The following SLC22A24 variants were observed in gnomAD, a reference collection of about 807,000 sequenced individuals.
The protein encoded by SLC22A24 is steroid transmembrane transporter SLC22A24.
A neutral mutation model predicts 49.8 loss-of-function variants in SLC22A24; 53 were observed. The ratio of observed to expected loss-of-function variants is 1.06; its 90% confidence interval spans 0.85 to 1.34. The LOEUF (loss-of-function observed/expected upper bound fraction) is 1.34. Ranked by LOEUF, SLC22A24 falls within the 40% of genes most tolerant of loss-of-function variation. The pLI is 0.00. For missense variants in SLC22A24, 786 were observed against 675.9 expected (o/e 1.16, Z -1.81); for synonymous variants, 302 against 256.4 (o/e 1.18, Z -1.70).
chr11:63,099,370 G>GTTTTTT (rs1279683430), intron 5 of SLC22A24, among the ~76,000 whole-genome samples: 2 of 34,430 alleles, frequency 5.8e-5, no homozygotes, highest in African/African-American at 2.2e-4. Flanking sequence ...TAATTTTTAA[G>GTTTTTT]ATTTTTTTTT....
intron 1 of SLC22A24, 114 bp downstream of exon 1, chr11:63,143,264 T>G: frequency 2.4e-6 from 2 of 829,218 alleles, no homozygotes; most frequent in Non-Finnish European, 3.4e-6. Flanking sequence ...GAATGAAGAA[T>G]GAGCTGACTG....
chr11:63,142,203 A>T (rs566184844), intron 1 of SLC22A24, among the ~76,000 whole-genome samples: 1 of 152,332 alleles, frequency 6.6e-6, no homozygotes, highest in Non-Finnish European at 1.5e-5. Context: ...GTAGCAAAGC[A>T]GTTCCACTCT....
chr11:63,090,325 A>C (rs185219501), intron 6 of SLC22A24, among the ~76,000 whole-genome samples: 19 of 152,168 alleles, frequency 1.2e-4, no homozygotes, highest in Non-Finnish European at 2.1e-4. Context: ...TAACAAGGGT[A>C]TTCAGGACTT....
chr11:63,108,006 T>C (rs975880438), intron 4 of SLC22A24, among the ~76,000 whole-genome samples: 1 of 152,134 alleles, frequency 6.6e-6, no homozygotes, highest in Non-Finnish European at 1.5e-5. Flanking sequence ...ATCCCTGTCT[T>C]GTGCCAGTTT....
chr11:63,091,315 C>T (rs2087019302), intron 6 of SLC22A24, among the ~76,000 whole-genome samples: 1 of 151,784 alleles, frequency 6.6e-6, no homozygotes, highest in Non-Finnish European at 1.5e-5. Flanking sequence ...CAGCCGAAGT[C>T]TACCAGAGGT....
At chr11:63,119,732 G>A (rs2087238081) in intron 2 of SLC22A24, among the ~76,000 whole-genome samples, 1 of 152,166 alleles carries the variant, frequency 6.6e-6, no homozygotes, top group South Asian at 2.1e-4. Flanking sequence ...TTGGGTCTCT[G>A]CACTGTCCAG....
At chr11:63,118,811 G>T (rs2087229823) in intron 4 of SLC22A24, 101 bp downstream of exon 4, 1 of 1,248,088 alleles carries the variant, frequency 8.0e-7, no homozygotes, top group Non-Finnish European at 1.1e-6. Context: ...TCATGGCTCA[G>T]GACTAGGCCA....
intron 2 of SLC22A24, among the ~76,000 whole-genome samples, chr11:63,127,071 T>C (rs2087296672): frequency 6.6e-6 from 1 of 152,144 alleles, no homozygotes. Context: ...ATTGGTTTGC[T>C]GCACCCATCA....
intron 2 of SLC22A24, among the ~76,000 whole-genome samples, chr11:63,120,400 G>GTA (rs1231797966): frequency 6.6e-6 from 1 of 151,082 alleles, no homozygotes; most frequent in Non-Finnish European, 1.5e-5. Context: ...ACATGTATAC[G>GTA]TATGTAACTA....
intron 2 of SLC22A24, among the ~76,000 whole-genome samples, chr11:63,128,938 T>C (rs1590748163): frequency 6.6e-6 from 1 of 152,156 alleles, no homozygotes; most frequent in Non-Finnish European, 1.5e-5. Context: ...TCTCTGTACA[T>C]GGGGAGAAAA....
rs1019776521 is a variant in SLC22A24, at chr11:63,099,481, G to T, written c.955-3375C>A. On this transcript the variant is annotated intron_variant, in intron 5 of 9. Coordinates refer to ENST00000612278, the MANE Select transcript of SLC22A24 (RefSeq NM_001136506.2). ...TTCTTCTGCCTTGGCCTCCCAAATTGCTGGCCTTACCAAACATTTAAAGAA... is the reference window on the plus strand; with the variant it reads ...TTCTTCTGCCTTGGCCTCCCAAATTTCTGGCCTTACCAAACATTTAAAGAA... Among the ~76,000 whole-genome samples the T allele has an allele frequency of 2.0e-4, 27 of 131,960 alleles. No homozygotes were observed. In the South Asian group the frequency reaches 6.3e-3, roughly 31 times the overall value. The allele number at this position is 131,960 out of a possible 152,430, so 86.6% of individuals were successfully genotyped here. A position where few individuals can be genotyped will look rare whatever the true frequency, so the allele number is the denominator to read the frequency against.
At chr11:63,091,331 G>A (rs1368155914) in intron 6 of SLC22A24, among the ~76,000 whole-genome samples, 1 of 152,190 alleles carries the variant, frequency 6.6e-6, no homozygotes, top group Admixed American at 6.5e-5. Context: ...GAGGTACAAA[G>A]AGGAGCTGGT....
chr11:63,129,016 C>G lies in SLC22A24; in HGVS notation c.506+5649G>C, dbSNP rs982705699. ...ATTTGTCTATTTTGGCTTTTGTTGC[C>G]ATTGTTTTGGTGTTTTAGTCATGAA... is the stretch of plus-strand genomic sequence containing the variant. On this transcript the variant is annotated intron_variant, in intron 2 of 9. Coordinates refer to ENST00000612278, the MANE Select transcript of SLC22A24 (RefSeq NM_001136506.2). Among the ~76,000 whole-genome samples the G allele has an allele frequency of 4.1e-4, 63 of 152,126 alleles. 1 individual carries two copies. Among genetic ancestry groups the G allele is most frequent in the Non-Finnish European group, 1.8e-4 (12 of 68,026 alleles).
chr11:63,122,227 G>A (rs930735717), intron 2 of SLC22A24, among the ~76,000 whole-genome samples: 2 of 152,014 alleles, frequency 1.3e-5, no homozygotes, highest in African/African-American at 4.8e-5. Context: ...AGTAATATAC[G>A]CTAACTCCAG....
chr11:63,111,078 A>G (rs78598164), intron 4 of SLC22A24, among the ~76,000 whole-genome samples: 118,677 of 151,140 alleles, frequency 0.79, 47,708 homozygotes, highest in East Asian at 0.9. Flanking sequence ...AATTTTGTCA[A>G]AGGCCTTTTC....
rs56708217 is a variant in SLC22A24, at chr11:63,099,371, A to ATTTTTTTTTTTTTTTTTTTTTTT, written c.955-3288_955-3266dup. On this transcript the variant is annotated intron_variant, in intron 5 of 9. Coordinates refer to ENST00000612278, the MANE Select transcript of SLC22A24 (RefSeq NM_001136506.2). Reference sequence around the variant, plus strand: ...CCACCACACCTGGCTAATTTTTAAGATTTTTTTTTTTTTTTTTTTTTTTTT... The same window carrying ATTTTTTTTTTTTTTTTTTTTTTT: ...CCACCACACCTGGCTAATTTTTAAGATTTTTTTTTTTTTTTTTTTTTTTTTTTTTTTTTTTTTTTTTTTTTTTT... 8.8e-4 allele frequency among the ~76,000 whole-genome samples: 46 copies of ATTTTTTTTTTTTTTTTTTTTTTT among 52,340 alleles called. 4 individuals are homozygous for ATTTTTTTTTTTTTTTTTTTTTTT. The highest frequency in any genetic ancestry group is 2.3e-3 in the East Asian group (3 of 1,300). The allele number at this position is 52,340 out of a possible 152,430, so 34.3% of individuals were successfully genotyped here.
chr11:63,080,107 C>T (rs2086950800), intron 9 of SLC22A24, 107 bp from the exon 10 acceptor site: 4 of 670,472 alleles, frequency 6.0e-6, no homozygotes, highest in Non-Finnish European at 1.0e-5. Flanking sequence ...TGCCCTCTAC[C>T]CACCAGCATT....
chr11:63,137,169 CT>C (rs2087381207), intron 1 of SLC22A24, among the ~76,000 whole-genome samples: 1 of 152,102 alleles, frequency 6.6e-6, no homozygotes, highest in Non-Finnish European at 1.5e-5. Context: ...TTGGTTCTTT[CT>C]AACTAGTAGG....
At chr11:63,108,800 G>T in intron 4 of SLC22A24, among the ~76,000 whole-genome samples, 1 of 146,924 alleles carries the variant, frequency 6.8e-6, no homozygotes. Context: ...ATTTTTTTTT[G>T]CATCTATTTG....
Sources: gnomAD v4.1 joint callset for allele counts (sites outside exome capture counted in the v4.1 genomes callset) on GRCh38, gnomAD v4.1.1 for gene constraint, MANE v1.5 for transcripts, NCBI Gene and HGNC (gene_info 2026-07-23, HGNC 2026-07-21) for gene names.